The following KCNIP4 variants were observed in gnomAD, a reference collection of about 807,000 sequenced individuals.
The protein encoded by KCNIP4 is potassium voltage-gated channel interacting protein 4, also known as Kv channel-interacting protein 4.
In KCNIP4, 12 loss-of-function variants were observed where a neutral mutation model predicts 34.0. The observed-to-expected ratio is 0.35, with a 90% CI of 0.23 to 0.57. The LOEUF is 0.57. KCNIP4 is among the 20% of genes least tolerant of loss of function. KCNIP4 has a pLI of 0.83. For missense variants in KCNIP4, 238 were observed against 311.7 expected (o/e 0.76, Z 1.78); for synonymous variants, 124 against 102.2 (o/e 1.21, Z -1.29).
chr4:21,528,388 A>G (rs989576367), intron 1 of KCNIP4, among the ~76,000 whole-genome samples: 7 of 151,756 alleles, frequency 4.6e-5, no homozygotes, highest in African/African-American at 1.2e-4. Flanking sequence ...CAGAAACTCA[A>G]CCGGGCATGG....
intron 1 of KCNIP4, among the ~76,000 whole-genome samples, chr4:21,700,855 T>C (rs1201333334): frequency 6.6e-6 from 1 of 152,168 alleles, no homozygotes; most frequent in Non-Finnish European, 1.5e-5. Context: ...GAAGACACTG[T>C]CCTCTCCCCA....
intron 1 of KCNIP4, among the ~76,000 whole-genome samples, chr4:20,909,315 G>A (rs1200611314): frequency 6.6e-6 from 1 of 152,130 alleles, no homozygotes; most frequent in Admixed American, 6.6e-5. Flanking sequence ...AGTGGGTGAT[G>A]TTATATGCAA....
At chr4:20,931,905 T>C in intron 1 of KCNIP4, among the ~76,000 whole-genome samples, 1 of 145,940 alleles carries the variant, frequency 6.9e-6, no homozygotes, top group Non-Finnish European at 1.5e-5. Flanking sequence ...TATTGTAGAC[T>C]ATAATAGTCT....
intron 1 of KCNIP4, among the ~76,000 whole-genome samples, chr4:21,467,073 AACACACACACACACACACACACAC>A (rs33937973): frequency 1.6e-3 from 230 of 139,846 alleles, no homozygotes; most frequent in Admixed American, 2.6e-3. Flanking sequence ...AACCAAAACA[AACACACACACACACACACACACAC>A]ACACACACAC....
intron 1 of KCNIP4, among the ~76,000 whole-genome samples, chr4:21,353,278 T>C (rs7698713): frequency 0.036 from 5,552 of 152,154 alleles, 235 homozygotes; most frequent in East Asian, 0.19. Flanking sequence ...AATGGAACAA[T>C]GCTGGATGGA....
chr4:20,821,773 G>T (rs572504954), intron 3 of KCNIP4, among the ~76,000 whole-genome samples: 1 of 152,084 alleles, frequency 6.6e-6, no homozygotes, highest in East Asian at 1.9e-4. Flanking sequence ...TAGAAAAATG[G>T]CCTCCAACTC....
chr4:21,125,745 C>A lies in KCNIP4; in HGVS notation c.62-243036G>T, dbSNP rs532776160. Among the ~76,000 whole-genome samples the A allele has an allele frequency of 2.6e-5, 4 of 152,200 alleles. No homozygotes were observed. The East Asian group carries it at 7.8e-4, about 30-fold the overall frequency. ...TTTACAAAACAACCATACTACCAGG[C>A]CTCCAACATAATAGTTTGTTCCATT... On this transcript the variant is annotated intron_variant, in intron 1 of 8. Coordinates refer to ENST00000382152, the MANE Select transcript of KCNIP4 (RefSeq NM_025221.6).
At position 20,753,617 on chromosome 4, in the gene KCNIP4, G is replaced by C. The variant is rs7689421; in HGVS notation, c.359-3885C>G. 3.3e-5 allele frequency among the ~76,000 whole-genome samples: 5 copies of C among 151,808 alleles called. No homozygotes were observed. In the East Asian group the frequency reaches 9.7e-4, roughly 29 times the overall value. Reference sequence around the variant, plus strand: ...CTACTCCCATTGAATTCAAGCACGAGGAATAGAATCACCTTCATGTATTTG... The same window carrying C: ...CTACTCCCATTGAATTCAAGCACGACGAATAGAATCACCTTCATGTATTTG... On this transcript the variant is annotated intron_variant, in intron 4 of 8. Coordinates refer to ENST00000382152, the MANE Select transcript of KCNIP4 (RefSeq NM_025221.6).
chr4:21,368,516 T>C (rs1387172416), intron 1 of KCNIP4, among the ~76,000 whole-genome samples: 1 of 147,310 alleles, frequency 6.8e-6, no homozygotes, highest in Admixed American at 6.6e-5. Flanking sequence ...ATCCAATTAT[T>C]AGTCCAATAT....
At chr4:20,742,315 T>G (rs1751318149) in intron 5 of KCNIP4, among the ~76,000 whole-genome samples, 1 of 152,132 alleles carries the variant, frequency 6.6e-6, no homozygotes, top group African/African-American at 2.4e-5. Flanking sequence ...GCAAAAATCC[T>G]CAATAAAATA....
At chr4:20,813,754 G>A (rs1465996177) in intron 3 of KCNIP4, among the ~76,000 whole-genome samples, 1 of 152,112 alleles carries the variant, frequency 6.6e-6, no homozygotes, top group Admixed American at 6.5e-5. Context: ...ATTAATACTA[G>A]TAAGTTTCTT....
At chr4:21,397,190 C>T (rs1723080011) in intron 1 of KCNIP4, among the ~76,000 whole-genome samples, 1 of 152,178 alleles carries the variant, frequency 6.6e-6, no homozygotes, top group South Asian at 2.1e-4. Flanking sequence ...AGCCCTTATA[C>T]TTGATATGCT....
At chr4:21,035,661 G>C (rs1302154427) in intron 1 of KCNIP4, among the ~76,000 whole-genome samples, 3 of 152,170 alleles carry the variant, frequency 2.0e-5, no homozygotes, top group Non-Finnish European at 4.4e-5. Flanking sequence ...AGAAAGGAAA[G>C]GAAATTCATA....
At chr4:21,125,401 G>C (rs2109149883) in intron 1 of KCNIP4, among the ~76,000 whole-genome samples, 1 of 151,822 alleles carries the variant, frequency 6.6e-6, no homozygotes, top group Non-Finnish European at 1.5e-5. Flanking sequence ...ATTTTTAGTA[G>C]AGACGGGGTT....
At chr4:21,669,687 GAAGAAAC>G (rs1749320962) in intron 1 of KCNIP4, among the ~76,000 whole-genome samples, 1 of 152,062 alleles carries the variant, frequency 6.6e-6, no homozygotes, top group Admixed American at 6.5e-5. Context: ...TATCATTAAA[GAAGAAAC>G]TGAGGCACAA....
At chr4:20,731,906 T>C in intron 8 of KCNIP4, 100 bp downstream of exon 8, 4 of 1,526,728 alleles carry the variant, frequency 2.6e-6, no homozygotes, top group Non-Finnish European at 2.6e-6. Context: ...CTTAGGCATA[T>C]GATCTCTATA....
intron 1 of KCNIP4, among the ~76,000 whole-genome samples, chr4:21,397,691 T>A (rs1315652150): frequency 6.6e-6 from 1 of 152,206 alleles, no homozygotes; most frequent in Non-Finnish European, 1.5e-5. Flanking sequence ...GATCTAGAGT[T>A]AATGAATTTG....
intron 1 of KCNIP4, among the ~76,000 whole-genome samples, chr4:21,436,028 T>C (rs557307693): frequency 6.6e-6 from 1 of 152,324 alleles, no homozygotes; most frequent in East Asian, 1.9e-4. Flanking sequence ...TGTTTGACAA[T>C]GTCAGGATGC....
chr4:21,280,753 T>G (rs1183086146), intron 1 of KCNIP4, among the ~76,000 whole-genome samples: 1 of 152,140 alleles, frequency 6.6e-6, no homozygotes, highest in Non-Finnish European at 1.5e-5. Flanking sequence ...AAAAAGCAAT[T>G]AGAACACTGG....
Sources: gnomAD v4.1 joint callset for allele counts (sites outside exome capture counted in the v4.1 genomes callset) on GRCh38, gnomAD v4.1.1 for gene constraint, MANE v1.5 for transcripts, NCBI Gene and HGNC (gene_info 2026-07-23, HGNC 2026-07-21) for gene names.